The following ANTXR2 variants were observed in gnomAD, a reference collection of about 807,000 sequenced individuals.
The protein encoded by ANTXR2 is ANTXR cell adhesion molecule 2, also known as anthrax toxin receptor 2.
Under a neutral mutation model 73.7 loss-of-function variants are expected in ANTXR2, and 44 were observed. The observed-to-expected ratio is 0.60, with a 90% CI of 0.47 to 0.77. ANTXR2 has a LOEUF of 0.77. Ranked by LOEUF, ANTXR2 falls within the 30% of genes least tolerant of loss-of-function variation. The probability of loss-of-function intolerance (pLI) is 0.00; values close to 1 mark genes in which losing one functional copy is unlikely to be tolerated. For synonymous variants in ANTXR2, 217 were observed against 205.9 expected (o/e 1.05, Z -0.46); for missense variants, 604 against 592.5 (o/e 1.02, Z -0.20).
At chr4:79,910,574 T>C (rs1727095535) in intron 16 of ANTXR2, among the ~76,000 whole-genome samples, 1 of 151,616 alleles carries the variant, frequency 6.6e-6, no homozygotes, top group Non-Finnish European at 1.5e-5. Flanking sequence ...CAGATATTGT[T>C]GTTATCCATA....
At chr4:79,927,912 G>A (rs1291496948) in intron 16 of ANTXR2, among the ~76,000 whole-genome samples, 1 of 152,176 alleles carries the variant, frequency 6.6e-6, no homozygotes, top group Non-Finnish European at 1.5e-5. Flanking sequence ...ATTGCTGGTG[G>A]AAATGTAAAA....
chr4:80,018,723 A>G (rs577771260), intron 11 of ANTXR2, among the ~76,000 whole-genome samples, 175 bp downstream of exon 11: 1 of 151,952 alleles, frequency 6.6e-6, no homozygotes. Context: ...AGCTCAACAT[A>G]AAAAAAAGCA....
chr4:79,933,510 G>T (rs370135160), intron 16 of ANTXR2, among the ~76,000 whole-genome samples: 1 of 152,082 alleles, frequency 6.6e-6, no homozygotes, highest in Non-Finnish European at 1.5e-5. Context: ...ATTGTTGGAA[G>T]AAAGATATTG....
chr4:80,037,052 G>T (rs977710535), intron 7 of ANTXR2, among the ~76,000 whole-genome samples: 10 of 152,048 alleles, frequency 6.6e-5, no homozygotes, highest in African/African-American at 2.4e-4. Flanking sequence ...CCACACAAGG[G>T]ACAAGGCTAC....
At chr4:79,926,882 T>TATATATGTGTGTATATACACATGTGTGC (rs1270102592) in intron 16 of ANTXR2, among the ~76,000 whole-genome samples, 1,352 of 65,592 alleles carry the variant, frequency 0.021, 96 homozygotes, top group African/African-American at 0.058. Flanking sequence ...TATGTGTGTA[T>TATATATGTGTGTATATACACATGTGTGC]ATATATGTGT....
intron 7 of ANTXR2, among the ~76,000 whole-genome samples, chr4:80,041,545 C>G (rs1303066148): frequency 6.6e-6 from 1 of 151,788 alleles, no homozygotes; most frequent in Non-Finnish European, 1.5e-5. Flanking sequence ...TGGTGGTTTG[C>G]TGCACCCATC....
intron 11 of ANTXR2, among the ~76,000 whole-genome samples, chr4:80,009,045 G>T (rs1387334328): frequency 1.3e-5 from 2 of 152,086 alleles, no homozygotes; most frequent in African/African-American, 4.8e-5. Flanking sequence ...TAAATAATAA[G>T]ATGAATATTA....
At chr4:79,922,364 C>T (rs1288060704) in intron 16 of ANTXR2, among the ~76,000 whole-genome samples, 2 of 152,064 alleles carry the variant, frequency 1.3e-5, no homozygotes, top group African/African-American at 2.4e-5. Flanking sequence ...ACTAAACACA[C>T]ATCAATTTTG....
chr4:80,024,813 A>C (rs1360745355), intron 10 of ANTXR2: 1 of 297,170 alleles, frequency 3.4e-6, no homozygotes, highest in Non-Finnish European at 6.8e-6. Flanking sequence ...GTCTAAAGGG[A>C]TATCTGAGGA....
chr4:79,921,169 A>G (rs1028083666), intron 16 of ANTXR2, among the ~76,000 whole-genome samples: 3 of 152,150 alleles, frequency 2.0e-5, no homozygotes, highest in African/African-American at 7.2e-5. Context: ...CATGCAATTC[A>G]TGTATTTCTT....
chr4:80,043,221 A>G (rs148188607), intron 7 of ANTXR2, among the ~76,000 whole-genome samples: 68 of 151,850 alleles, frequency 4.5e-4, no homozygotes, highest in Middle Eastern at 3.4e-3. Context: ...ATTTTAAAAA[A>G]CATATTGAGT....
At chr4:80,031,577 T>A (rs769619107) in intron 10 of ANTXR2, 46 bp downstream of exon 10, 13 of 1,327,810 alleles carry the variant, frequency 9.8e-6, no homozygotes, top group Non-Finnish European at 1.0e-5. Flanking sequence ...TTTCTAATAA[T>A]TTTTTACTAA....
chr4:80,042,117 T>C (rs1285004864), intron 7 of ANTXR2, among the ~76,000 whole-genome samples: 2 of 152,036 alleles, frequency 1.3e-5, no homozygotes, highest in Admixed American at 1.3e-4. Flanking sequence ...CTATCTCAAA[T>C]TTGTTTTGCA....
rs1237841942 is a variant in ANTXR2, at chr4:79,959,705, T to C, written c.1428+17916A>G. 2.6e-5 allele frequency among the ~76,000 whole-genome samples: 4 copies of C among 152,196 alleles called. No homozygotes were observed. The East Asian group carries it at 7.7e-4, about 29-fold the overall frequency. On this transcript the variant is annotated intron_variant, in intron 16 of 16. Transcript: ENST00000403729. ...GCAAATGACTGAGAGAAAAGTTATA[T>C]AACTACAATTTGAAAGACATACATG...
intron 16 of ANTXR2, among the ~76,000 whole-genome samples, chr4:79,910,249 G>A (rs1042216777): frequency 1.5e-4 from 23 of 152,194 alleles, no homozygotes; most frequent in Admixed American, 2.6e-4. Flanking sequence ...GGTGGCTCAC[G>A]CCTGTAATCC....
At chr4:79,973,407 G>A (rs948996660) in intron 16 of ANTXR2, among the ~76,000 whole-genome samples, 2 of 147,804 alleles carry the variant, frequency 1.4e-5, no homozygotes, top group African/African-American at 2.5e-5. Flanking sequence ...ATGATGTGGA[G>A]TTGACATAAA....
intron 10 of ANTXR2, among the ~76,000 whole-genome samples, chr4:80,024,164 G>A (rs923523848): frequency 2.0e-5 from 3 of 152,284 alleles, no homozygotes; most frequent in African/African-American, 7.2e-5. Flanking sequence ...TGTAGGAGGT[G>A]AGGAAGAAGA....
At chr4:79,966,534 G>T (rs978859393) in intron 16 of ANTXR2, among the ~76,000 whole-genome samples, 1 of 151,950 alleles carries the variant, frequency 6.6e-6, no homozygotes, top group Non-Finnish European at 1.5e-5. Context: ...CTGCCTCTGC[G>T]TCATTATTTT....
chr4:80,057,467 T>C (rs535273052), intron 3 of ANTXR2, among the ~76,000 whole-genome samples: 2 of 152,116 alleles, frequency 1.3e-5, no homozygotes, highest in Admixed American at 1.3e-4. Flanking sequence ...TAAAAAATAT[T>C]ATCAGGCAAG....
Sources: allele counts gnomAD v4.1 joint callset (sites outside exome capture counted in the v4.1 genomes callset), GRCh38; gene constraint gnomAD v4.1.1; transcripts MANE v1.5; gene names NCBI Gene and HGNC (gene_info 2026-07-23, HGNC 2026-07-21).